Variants in PPARG observed in about 807,000 individuals in gnomAD.
PPARG encodes peroxisome proliferator-activated receptor gamma.
In PPARG, 17 loss-of-function variants were observed where a neutral mutation model predicts 39.2. That is an observed-to-expected ratio of 0.43 (90% CI 0.30 to 0.65). The LOEUF is 0.65. PPARG is among the 30% of genes least tolerant of loss of function. The pLI is 0.13. For missense variants in PPARG, 406 were observed against 585.9 expected, an observed-to-expected ratio of 0.69 and a Z score of 3.17; for synonymous variants, 223 against 215.7, an observed-to-expected ratio of 1.03 and a Z score of -0.30.
chr3:12,410,240 C>T (rs940621177), intron 6 of PPARG, among the ~76,000 whole-genome samples: 2 of 152,152 alleles, frequency 1.3e-5, no homozygotes, highest in South Asian at 2.1e-4. Context: ...GATCTTTGTG[C>T]GCTCTGAAAA....
At chr3:12,410,928 A>G (rs931898380) in intron 6 of PPARG, among the ~76,000 whole-genome samples, 2 of 152,138 alleles carry the variant, frequency 1.3e-5, no homozygotes, top group Admixed American at 6.5e-5. Flanking sequence ...TTGCTCCCCA[A>G]AGGAAAGACA....
intron 1 of PPARG, among the ~76,000 whole-genome samples, chr3:12,290,092 T>G (rs1483470785): frequency 6.6e-6 from 1 of 152,216 alleles, no homozygotes; most frequent in Non-Finnish European, 1.5e-5. Context: ...GTTAACTTGC[T>G]AATAATTATG....
intron 5 of PPARG, among the ~76,000 whole-genome samples, chr3:12,399,905 G>A (rs1437287378): frequency 1.3e-5 from 2 of 150,434 alleles, no homozygotes; most frequent in Non-Finnish European, 2.9e-5. Flanking sequence ...CAGAATGATT[G>A]CTTGAGCCCA....
rs775382056 is a variant in PPARG, at chr3:12,392,651, A to G, written c.428A>G (p.Tyr143Cys). ...FRRTIRLKLIYDRCDLNCRIH... is the reference protein window; with the variant it reads ...FRRTIRLKLICDRCDLNCRIH... The stretch of plus-strand genomic sequence containing the variant: ...AGAACAATCAGATTGAAGCTTATCT[A>G]TGACAGATGTGATCTTAACTGTCGG... The change falls in exon 5 of 8, where the codon TAT becomes TGT. Residue 143 changes from tyrosine (Y) to cysteine (C), a missense_variant. Around this residue, in one of 2 missense-constraint regions of PPARG, gnomAD observed 275 missense variants for 458.0 expected, o/e 0.60. Transcript: ENST00000651735. 3.7e-6 allele frequency: 6 copies of G among 1,613,824 alleles called. No individual in the cohort carries two copies. Among genetic ancestry groups the G allele is most frequent in the Admixed American group, 1.7e-5 (1 of 59,976 alleles).
rs147338451 is a variant in PPARG at position 12,417,522 on chromosome 3, T to C, written c.1180+368T>C. Among the ~76,000 whole-genome samples, 812 of 152,344 alleles carry C rather than the reference T, an allele frequency of 5.3e-3. 9 individuals are homozygous for C. The highest frequency in any genetic ancestry group is 0.017 in the African/African-American group (716 of 41,564). On this transcript the variant is annotated intron_variant, in intron 7 of 7. Coordinates refer to ENST00000651735, the MANE Select transcript of PPARG (RefSeq NM_138711.6). ...CTGTAAGTAATGGCATGTATAACTTTGCTTAAGACAATGCTCACTTGATGT... is the reference window on the plus strand; with the variant it reads ...CTGTAAGTAATGGCATGTATAACTTCGCTTAAGACAATGCTCACTTGATGT...
At chr3:12,305,231 A>G (rs917015459) in intron 1 of PPARG, among the ~76,000 whole-genome samples, 1 of 151,902 alleles carries the variant, frequency 6.6e-6, no homozygotes, top group African/African-American at 2.4e-5. Context: ...GTTGTCTCTG[A>G]GTGTAATATG....
At chr3:12,304,355 C>G (rs1224511076) in intron 1 of PPARG, among the ~76,000 whole-genome samples, 2 of 152,156 alleles carry the variant, frequency 1.3e-5, no homozygotes, top group South Asian at 2.1e-4. Context: ...CAAACTGTTA[C>G]GTTTAACAGC....
At chr3:12,305,210 C>G (rs2047029173) in intron 1 of PPARG, among the ~76,000 whole-genome samples, 1 of 152,096 alleles carries the variant, frequency 6.6e-6, no homozygotes, top group South Asian at 2.1e-4. Flanking sequence ...TTGCTACTGT[C>G]TCTGCCTTTG....
intron 1 of PPARG, among the ~76,000 whole-genome samples, chr3:12,307,855 G>A (rs1186679067): frequency 6.6e-6 from 1 of 152,134 alleles, no homozygotes; most frequent in African/African-American, 2.4e-5. Context: ...GTCCAATTAG[G>A]TGTTGAATTG....
chr3:12,314,014 C>T (rs190480432), intron 2 of PPARG, among the ~76,000 whole-genome samples: 34 of 152,248 alleles, frequency 2.2e-4, no homozygotes, highest in African/African-American at 7.2e-4. Context: ...TGGTGGCTCA[C>T]GCCTGTAATC....
chr3:12,369,367 C>T (rs573781587), intron 2 of PPARG, among the ~76,000 whole-genome samples: 1 of 152,026 alleles, frequency 6.6e-6, no homozygotes, highest in Middle Eastern at 3.2e-3. Flanking sequence ...TGGTGCATGC[C>T]TGTGGTCCCA....
At chr3:12,287,528 C>G (rs2046526748), upstream of PPARG, 1 of 152,200 alleles carries the variant, frequency 6.6e-6, no homozygotes, top group Non-Finnish European at 1.5e-5. Context: ...AAGGGCAAGC[C>G]ACTCTGGCCG....
At chr3:12,367,830 G>A (rs1490568765) in intron 2 of PPARG, among the ~76,000 whole-genome samples, 1 of 151,940 alleles carries the variant, frequency 6.6e-6, no homozygotes, top group African/African-American at 2.4e-5. Context: ...AACCATAATT[G>A]TGCCACTGCA....
rs375954462 is a variant in PPARG, at chr3:12,384,122, C to T, written c.390+2631C>T. 3.7e-4 allele frequency among the ~76,000 whole-genome samples: 56 copies of T among 151,958 alleles called. No individual in the cohort carries two copies. In the South Asian group the frequency reaches 9.1e-3, roughly 25 times the overall value. ...TGGAAAGGGAAAATAGACATCTACACGTTTTAAAGGTAAGAATAAGAAAAA... is the reference window on the plus strand; with the variant it reads ...TGGAAAGGGAAAATAGACATCTACATGTTTTAAAGGTAAGAATAAGAAAAA... On this transcript the variant is annotated intron_variant, in intron 4 of 7. Transcript: ENST00000651735.
At position 12,322,127 on chromosome 3, in the gene PPARG, G is replaced by C. The variant is rs529736697; in HGVS notation, c.-9+9674G>C. Among the ~76,000 whole-genome samples the C allele has an allele frequency of 2.0e-5, 3 of 152,282 alleles. No individual in the cohort carries two copies. The South Asian group carries it at 6.2e-4, about 32-fold the overall frequency. Reference sequence around the variant, plus strand: ...TCTTTGCATAGACTTTTTTGTTGCAGATACTGAAAAGGAATCCATAAAAAT... The same window carrying C: ...TCTTTGCATAGACTTTTTTGTTGCACATACTGAAAAGGAATCCATAAAAAT... On this transcript the variant is annotated intron_variant, in intron 2 of 7. Coordinates refer to ENST00000651735, the MANE Select transcript of PPARG (RefSeq NM_138711.6).
intron 1 of PPARG, among the ~76,000 whole-genome samples, chr3:12,295,469 T>TA (rs1306970478): frequency 6.6e-6 from 1 of 151,988 alleles, no homozygotes; most frequent in Non-Finnish European, 1.5e-5. Flanking sequence ...TTAAAAGCAA[T>TA]ATAATGTATT....
chr3:12,371,998 T>C, intron 2 of PPARG: 3 of 716,820 alleles, frequency 4.2e-6, no homozygotes, highest in Admixed American at 4.0e-5. Context: ...ACCACAGTTA[T>C]GAGTACCATG....
At chr3:12,290,494 T>C (rs2046621252) in intron 1 of PPARG, among the ~76,000 whole-genome samples, 1 of 152,132 alleles carries the variant, frequency 6.6e-6, no homozygotes. Context: ...TCCTAAATGT[T>C]CATTTTTTTG....
At chr3:12,371,189 T>C (rs919491756) in intron 2 of PPARG, among the ~76,000 whole-genome samples, 1 of 152,134 alleles carries the variant, frequency 6.6e-6, no homozygotes, top group Non-Finnish European at 1.5e-5. Context: ...ACAACAACTC[T>C]AGGAGGGAGA....
Sources: allele counts gnomAD v4.1 joint callset (sites outside exome capture counted in the v4.1 genomes callset), GRCh38; gene constraint gnomAD v4.1.1; regional missense constraint gnomAD v4.1.1; transcripts MANE v1.5; gene names NCBI Gene and HGNC (gene_info 2026-07-23, HGNC 2026-07-21).